The following MMP26 variants were observed in gnomAD, a reference collection of about 807,000 sequenced individuals.
The protein encoded by MMP26 is matrix metalloproteinase-26.
Under a neutral mutation model 31.0 loss-of-function variants are expected in MMP26, and 33 were observed. That is an observed-to-expected ratio of 1.06 (90% CI 0.81 to 1.42). The LOEUF (loss-of-function observed/expected upper bound fraction) is 1.42. Ranked by LOEUF, MMP26 falls within the 40% of genes most tolerant of loss-of-function variation. The pLI is 0.00. For missense variants in MMP26, 347 were observed against 316.1 expected, an observed-to-expected ratio of 1.10 and a Z score of -0.74; for synonymous variants, 122 against 114.9, an observed-to-expected ratio of 1.06 and a Z score of -0.40.
chr11:4,774,646 G>A (rs1461147774), intron 2 of MMP26, among the ~76,000 whole-genome samples: 3 of 152,066 alleles, frequency 2.0e-5, no homozygotes, highest in Non-Finnish European at 4.4e-5. Context: ...GATCCTGTTT[G>A]TCAATTTTTC....
chr11:4,819,894 G>C (rs1216435360), intron 2 of MMP26, among the ~76,000 whole-genome samples: 1 of 151,960 alleles, frequency 6.6e-6, no homozygotes, highest in Non-Finnish European at 1.5e-5. Flanking sequence ...TGAATTTGAT[G>C]GTTCCATTTT....
At position 4,804,203 on chromosome 11, in the gene MMP26, C is replaced by T. The variant is rs76140227; in HGVS notation, c.-145+36862C>T. On this transcript the variant is annotated intron_variant, in intron 2 of 7. Coordinates refer to ENST00000380390, the MANE Select transcript of MMP26 (RefSeq NM_021801.5). ...ATGGCCAGAAAGAGGTACATGGGCT[C>T]ATGCAGGGTGTGGTCAATTCTGATT... The T allele has an allele frequency of 9.0e-4, 1,450 of 1,614,058 alleles. 15 individuals carry two copies. The African/African-American group carries it at 0.015, about 17-fold the overall frequency.
At chr11:4,980,929 T>C (rs1846804224) in intron 2 of MMP26, among the ~76,000 whole-genome samples, 1 of 152,008 alleles carries the variant, frequency 6.6e-6, no homozygotes, top group Non-Finnish European at 1.5e-5. Flanking sequence ...ATAAACATAT[T>C]AAGAAGGACA....
chr11:4,807,147 T>C (rs1849281656), intron 2 of MMP26, among the ~76,000 whole-genome samples: 1 of 152,222 alleles, frequency 6.6e-6, no homozygotes, highest in Admixed American at 6.5e-5. Context: ...CGTGTGCATG[T>C]GTCTTTAGAG....
At chr11:4,871,501 A>G (rs538863130) in intron 2 of MMP26, among the ~76,000 whole-genome samples, 6 of 152,228 alleles carry the variant, frequency 3.9e-5, no homozygotes, top group South Asian at 2.1e-4. Flanking sequence ...GGTTGCTACC[A>G]TAGATCTGTA....
At chr11:4,894,088 G>A in intron 2 of MMP26, among the ~76,000 whole-genome samples, 1 of 152,096 alleles carries the variant, frequency 6.6e-6, no homozygotes, top group East Asian at 1.9e-4. Context: ...TTAATTAAGT[G>A]CTTTATTTTA....
At chr11:4,789,415 A>G (rs1201869963) in intron 2 of MMP26, among the ~76,000 whole-genome samples, 1 of 150,778 alleles carries the variant, frequency 6.6e-6, no homozygotes, top group East Asian at 1.9e-4. Flanking sequence ...TGCTGGTAGC[A>G]GGTTCCTGAC....
chr11:4,805,184 A>G (rs1028324253), intron 2 of MMP26, among the ~76,000 whole-genome samples: 1 of 152,194 alleles, frequency 6.6e-6, no homozygotes, highest in Non-Finnish European at 1.5e-5. Context: ...TTGCAAGCCT[A>G]TAGCAATTTA....
intron 2 of MMP26, among the ~76,000 whole-genome samples, chr11:4,826,493 G>C (rs1849580033): frequency 6.6e-6 from 1 of 152,122 alleles, no homozygotes; most frequent in Non-Finnish European, 1.5e-5. Context: ...TTTCAGTGGA[G>C]AGCTGGAGAA....
chr11:4,774,390 GT>G (rs1372153830), intron 2 of MMP26, among the ~76,000 whole-genome samples: 1 of 152,072 alleles, frequency 6.6e-6, no homozygotes, highest in Non-Finnish European at 1.5e-5. Flanking sequence ...ATATTGAGCT[GT>G]TTTTCATATG....
chr11:4,735,720 G>A (rs1443492310), intron 1 of MMP26, among the ~76,000 whole-genome samples: 1 of 152,060 alleles, frequency 6.6e-6, no homozygotes, highest in African/African-American at 2.4e-5. Flanking sequence ...ATGAAAGAAT[G>A]AATCAGTGGT....
At chr11:4,739,484 CAAG>C (rs997838157) in intron 1 of MMP26, among the ~76,000 whole-genome samples, 1 of 152,188 alleles carries the variant, frequency 6.6e-6, no homozygotes, top group Non-Finnish European at 1.5e-5. Context: ...TTCTTGACCT[CAAG>C]AAGATGGGGC....
intron 2 of MMP26, among the ~76,000 whole-genome samples, chr11:4,850,055 C>A (rs1029998645): frequency 3.9e-5 from 6 of 152,076 alleles, no homozygotes; most frequent in African/African-American, 1.4e-4. Flanking sequence ...CTATAGTCAC[C>A]CTACTTGGCT....
At chr11:4,930,532 G>A (rs900326118) in intron 2 of MMP26, among the ~76,000 whole-genome samples, 3 of 152,002 alleles carry the variant, frequency 2.0e-5, no homozygotes, top group African/African-American at 4.8e-5. Flanking sequence ...ATGGTCTAAT[G>A]GCTCCATCTA....
chr11:4,882,692 C>T (rs749052344), intron 2 of MMP26: 20 of 1,613,794 alleles, frequency 1.2e-5, no homozygotes, highest in Admixed American at 5.0e-5. Flanking sequence ...TTTGGCACAC[C>T]GCCTCTTCCA....
At chr11:4,845,746 T>G (rs1427814157) in intron 2 of MMP26, among the ~76,000 whole-genome samples, 1 of 152,022 alleles carries the variant, frequency 6.6e-6, no homozygotes, top group Non-Finnish European at 1.5e-5. Context: ...CAACTCCACA[T>G]GGAAAAAAAC....
At chr11:4,783,021 G>C (rs1006965073) in intron 2 of MMP26, among the ~76,000 whole-genome samples, 1 of 152,218 alleles carries the variant, frequency 6.6e-6, no homozygotes, top group African/African-American at 2.4e-5. Flanking sequence ...CCTTTGCTAG[G>C]GCAGTGCAGA....
At chr11:4,771,898 C>T (rs1200125509) in intron 2 of MMP26, among the ~76,000 whole-genome samples, 6 of 152,150 alleles carry the variant, frequency 3.9e-5, no homozygotes, top group Non-Finnish European at 7.4e-5. Context: ...TTTCTATAAA[C>T]CCATATGACT....
chr11:4,718,402 C>T lies in MMP26; in HGVS notation c.-217+13357C>T, dbSNP rs372461362. On this transcript the variant is annotated intron_variant, in intron 1 of 7. Coordinates refer to ENST00000380390, the MANE Select transcript of MMP26 (RefSeq NM_021801.5). Reference sequence around the variant, plus strand: ...GTGCAAATTCTGTATCCTCAGGGAACCATTCATTTCCTGTTTTCTGCTCCT... The same window carrying T: ...GTGCAAATTCTGTATCCTCAGGGAATCATTCATTTCCTGTTTTCTGCTCCT... 2.0e-5 allele frequency among the ~76,000 whole-genome samples: 3 copies of T among 152,160 alleles called. No homozygotes were observed. The East Asian group carries it at 5.8e-4, about 29-fold the overall frequency.
Sources: allele counts gnomAD v4.1 joint callset (sites outside exome capture counted in the v4.1 genomes callset), GRCh38; gene constraint gnomAD v4.1.1; transcripts MANE v1.5; gene names NCBI Gene and HGNC (gene_info 2026-07-23, HGNC 2026-07-21).